The following LYPLAL1 variants were observed in gnomAD, a reference collection of about 807,000 sequenced individuals.
The protein encoded by LYPLAL1 is lysophospholipase-like protein 1.
A neutral mutation model predicts 19.7 loss-of-function variants in LYPLAL1; 23 were observed. The ratio of observed to expected loss-of-function variants is 1.17; its 90% CI spans 0.84 to 1.65. The LOEUF (loss-of-function observed/expected upper bound fraction) is 1.65, where lower values mean the gene tolerates loss of function less well. Ranked by LOEUF, LYPLAL1 falls within the 40% of genes most tolerant of loss-of-function variation. The pLI is 0.00. For synonymous variants in LYPLAL1, 119 were observed against 96.3 expected (o/e 1.24, Z -1.38); for missense variants, 355 against 279.4 (o/e 1.27, Z -1.93).
At chr1:219,356,024 G>A in the LYPLAL1 span, among the ~76,000 whole-genome samples, 3 of 151,974 alleles carry the variant, frequency 2.0e-5, no homozygotes, top group South Asian at 4.2e-4. Flanking sequence ...AACTCTAACA[G>A]GTTTTTGTTT....
the LYPLAL1 span, among the ~76,000 whole-genome samples, chr1:219,355,835 T>C: frequency 6.6e-6 from 1 of 152,090 alleles, no homozygotes; most frequent in Non-Finnish European, 1.5e-5. Context: ...AAACCTTAGA[T>C]ATTTGGAAGC....
chr1:219,215,076 AT>A (rs1297393891), downstream of LYPLAL1, among the ~76,000 whole-genome samples: 1 of 152,080 alleles, frequency 6.6e-6, no homozygotes, highest in African/African-American at 2.4e-5. Context: ...GTGCTCCTCA[AT>A]TTTTTGTGAA....
chr1:219,370,298 C>A, the LYPLAL1 span, among the ~76,000 whole-genome samples: 1 of 152,160 alleles, frequency 6.6e-6, no homozygotes, highest in Non-Finnish European at 1.5e-5. Flanking sequence ...CCTCTCACTG[C>A]AAGCCTGTGA....
chr1:219,439,636 T>C, the LYPLAL1 span, among the ~76,000 whole-genome samples: 8 of 152,134 alleles, frequency 5.3e-5, no homozygotes, highest in Non-Finnish European at 8.8e-5. Flanking sequence ...TGGGCCACAC[T>C]AAATAGTGGC....
intron 2 of LYPLAL1, among the ~76,000 whole-genome samples, chr1:219,180,306 T>C (rs1239234742): frequency 6.6e-6 from 1 of 152,226 alleles, no homozygotes; most frequent in Non-Finnish European, 1.5e-5. Context: ...TTTTTTCTTA[T>C]CAGGCATACT....
chr1:219,284,786 G>T, the LYPLAL1 span, among the ~76,000 whole-genome samples: 1 of 152,184 alleles, frequency 6.6e-6, no homozygotes, highest in African/African-American at 2.4e-5. Context: ...GTTGGGGCTG[G>T]CTCCCAGGCC....
At chr1:219,229,293 T>C in the LYPLAL1 span, among the ~76,000 whole-genome samples, 2 of 84,074 alleles carry the variant, frequency 2.4e-5, no homozygotes, top group African/African-American at 5.4e-5. Context: ...GACAAGCATT[T>C]TGAGAGAGAG....
At chr1:219,282,350 A>C in the LYPLAL1 span, among the ~76,000 whole-genome samples, 2 of 152,124 alleles carry the variant, frequency 1.3e-5, no homozygotes, top group African/African-American at 4.8e-5. Flanking sequence ...TATATCATAG[A>C]TCTTGTGAGC....
At chr1:219,226,372 A>T in the LYPLAL1 span, among the ~76,000 whole-genome samples, 1 of 152,288 alleles carries the variant, frequency 6.6e-6, no homozygotes, top group Admixed American at 6.5e-5. Flanking sequence ...GTTTTTATAA[A>T]GGCAACATTT....
chr1:219,225,815 C>G, the LYPLAL1 span, among the ~76,000 whole-genome samples: 1 of 152,142 alleles, frequency 6.6e-6, no homozygotes, highest in Non-Finnish European at 1.5e-5. Flanking sequence ...TCCTGCCTCT[C>G]GTCTCCCATG....
chr1:219,244,929 A>C, the LYPLAL1 span, among the ~76,000 whole-genome samples: 1 of 139,598 alleles, frequency 7.2e-6, no homozygotes, highest in Non-Finnish European at 1.6e-5. Flanking sequence ...AAAAAAAAAC[A>C]AAAAACACTT....
At chr1:219,412,897 G>A in the LYPLAL1 span, among the ~76,000 whole-genome samples, 1 of 152,186 alleles carries the variant, frequency 6.6e-6, no homozygotes, top group East Asian at 1.9e-4. Flanking sequence ...GAGACCTCTG[G>A]TATGATGAGT....
chr1:219,279,954 A>C, the LYPLAL1 span, among the ~76,000 whole-genome samples: 52,376 of 152,036 alleles, frequency 0.34, 9,480 homozygotes, highest in Non-Finnish European at 0.4. Flanking sequence ...AGAAATTACA[A>C]ATAGGCTGAT....
At chr1:219,254,171 T>C in the LYPLAL1 span, among the ~76,000 whole-genome samples, 4 of 152,060 alleles carry the variant, frequency 2.6e-5, no homozygotes, top group South Asian at 2.1e-4. Context: ...CTTATGAGTG[T>C]CATTACGTTT....
chr1:219,410,961 G>A, the LYPLAL1 span, among the ~76,000 whole-genome samples: 11 of 152,338 alleles, frequency 7.2e-5, no homozygotes, highest in East Asian at 1.9e-4. Flanking sequence ...TGTGTGGCCC[G>A]AGCCTCCCCG....
At chr1:219,284,253 C>G in the LYPLAL1 span, among the ~76,000 whole-genome samples, 1 of 152,278 alleles carries the variant, frequency 6.6e-6, no homozygotes, top group South Asian at 2.1e-4. Context: ...TGGGTAGTAT[C>G]TTTATAGCAG....
the LYPLAL1 span, among the ~76,000 whole-genome samples, chr1:219,441,509 T>C: frequency 6.6e-6 from 1 of 152,232 alleles, no homozygotes; most frequent in South Asian, 2.1e-4. Context: ...CTTATTATGC[T>C]ATTCTCTATA....
At chr1:219,261,208 T>A in the LYPLAL1 span, among the ~76,000 whole-genome samples, 2 of 152,190 alleles carry the variant, frequency 1.3e-5, no homozygotes, top group Non-Finnish European at 2.9e-5. Flanking sequence ...TACATTTTTA[T>A]ATGGTTATTG....
At chr1:219,289,695 T>C in the LYPLAL1 span, among the ~76,000 whole-genome samples, 1 of 152,204 alleles carries the variant, frequency 6.6e-6, no homozygotes, top group Non-Finnish European at 1.5e-5. Context: ...CATGAGCTGC[T>C]GGTATTGTCA....
Sources: allele counts gnomAD v4.1 joint callset (sites outside exome capture counted in the v4.1 genomes callset), GRCh38; gene constraint gnomAD v4.1.1; transcripts MANE v1.5; gene names NCBI Gene and HGNC (gene_info 2026-07-23, HGNC 2026-07-21).